The following CCDC33 variants were observed in gnomAD, a reference collection of about 807,000 sequenced individuals.
CCDC33 encodes the protein coiled-coil domain containing 33.
In CCDC33, 94 loss-of-function variants were observed where a neutral mutation model predicts 91.9. That is an observed-to-expected ratio of 1.02 (90% confidence interval 0.87 to 1.21). The LOEUF (loss-of-function observed/expected upper bound fraction) is 1.21. Among genes scored for constraint, CCDC33 ranks in the 50% most tolerant of loss-of-function variants. CCDC33 has a pLI of 0.00. For missense variants in CCDC33, 940 were observed against 935.5 expected, an observed-to-expected ratio of 1.00 and a Z score of -0.06; for synonymous variants, 396 against 374.5, an observed-to-expected ratio of 1.06 and a Z score of -0.66.
Position 74,280,036 on chromosome 15 carries a change from C to T in CCDC33, c.833C>T (p.Ala278Val), listed in dbSNP as rs762561864. 1.9e-6 allele frequency: 3 copies of T among 1,614,174 alleles called. No homozygotes were observed. Among genetic ancestry groups the T allele is most frequent in the Non-Finnish European group, 8.5e-7 (1 of 1,180,010 alleles). ...QSFLFQGRDG[A>V]TSFSEDTALV... is the part of the protein sequence containing the mutation. ...TTCCTCTTCCAAGGCCGAGATGGAG[C>T]TACCAGCTTCTCAGAAGACACAGCC... The change falls in exon 8 of 19, where the codon GCT (alanine) becomes GTT (valine). Residue 278 changes from alanine (A) to valine (V), a missense_variant. Coordinates refer to ENST00000398814, the MANE Select transcript of CCDC33 (RefSeq NM_025055.5).
In CCDC33 at chr15:74,280,756, A is replaced by G; in HGVS notation, c.978A>G (p.Thr326=). The change falls in exon 9 of 19, where the codon ACA becomes ACG. Residue 326 remains threonine, a synonymous_variant. Transcript: ENST00000398814. Reference sequence around the variant, plus strand: ...GCCGTTTGTACCAGAAGATGCTGACAGGGAAAGGCTTGGACGGGCTTCACG... The same window carrying G: ...GCCGTTTGTACCAGAAGATGCTGACGGGGAAAGGCTTGGACGGGCTTCACG... The part of the protein sequence containing the change: ...LKSRLYQKML[T]GKGLDGLHVE... The G allele has an allele frequency of 1.3e-6, 2 of 1,577,428 alleles. No individual in the cohort carries two copies. The highest frequency in any genetic ancestry group is 1.4e-5 in the African/African-American group (1 of 72,908).
rs766179368 is a variant in CCDC33, at chr15:74,280,760, A to G, written c.982A>G (p.Lys328Glu). The G allele has an allele frequency of 6.3e-7, 1 of 1,575,234 alleles. No individual in the cohort carries two copies. Among genetic ancestry groups the G allele is most frequent in the South Asian group, 1.2e-5 (1 of 85,696 alleles). ...SRLYQKMLTG[K>E]GLDGLHVERL... ...TTTGTACCAGAAGATGCTGACAGGG[A>G]AAGGCTTGGACGGGCTTCACGTGGA... The change falls in exon 9 of 19, where the codon AAA becomes GAA. Residue 328 changes from lysine to glutamate, a missense_variant. Physicochemically the swap from Lys to Glu is moderately conservative, Grantham distance 56. Coordinates refer to ENST00000398814, the MANE Select transcript of CCDC33 (RefSeq NM_025055.5).
chr15:74,252,743 C>A (rs2075747852), intron 2 of CCDC33, among the ~76,000 whole-genome samples: 1 of 152,166 alleles, frequency 6.6e-6, no homozygotes, highest in Non-Finnish European at 1.5e-5. Context: ...GGGTGGGGAG[C>A]AGGCCTGGGG....
chr15:74,224,403 G>A (rs1273187796), intron 2 of CCDC33, among the ~76,000 whole-genome samples: 1 of 152,188 alleles, frequency 6.6e-6, no homozygotes, highest in African/African-American at 2.4e-5. Context: ...CACAGTTTGA[G>A]GGAGTCCCAT....
At chr15:74,294,724 G>A (rs1187090450) in intron 10 of CCDC33, among the ~76,000 whole-genome samples, 3 of 146,502 alleles carry the variant, frequency 2.0e-5, no homozygotes, top group African/African-American at 5.0e-5. Flanking sequence ...TCCAGCCCGG[G>A]CAAGAGAGCA....
At chr15:74,266,227 C>T (rs1165572704) in intron 3 of CCDC33, among the ~76,000 whole-genome samples, 1 of 152,200 alleles carries the variant, frequency 6.6e-6, no homozygotes, top group Non-Finnish European at 1.5e-5. Context: ...CCACCTGCAA[C>T]ATGTGTGAGA....
intron 7 of CCDC33, among the ~76,000 whole-genome samples, chr15:74,273,773 A>C (rs1470356127): frequency 6.8e-6 from 1 of 147,634 alleles, no homozygotes; most frequent in Non-Finnish European, 1.5e-5. Flanking sequence ...CCAGCGAAAA[A>C]TTTTTTTTAA....
In CCDC33 at chr15:74,295,388, T is replaced by G. The variant is rs538251318; in HGVS notation, c.1096-366T>G. 2.0e-5 allele frequency among the ~76,000 whole-genome samples: 3 copies of G among 152,340 alleles called. No homozygotes were observed. The South Asian group carries it at 6.2e-4, about 32-fold the overall frequency. ...ATAGAGAGTATATTGGAAGTGGGAT[T>G]ACTTTAGATAGAGTGGGCCTCTATC... On this transcript the variant is annotated intron_variant, in intron 10 of 18. Coordinates refer to ENST00000398814, the MANE Select transcript of CCDC33 (RefSeq NM_025055.5).
In CCDC33 at chr15:74,272,792, C is replaced by A; in HGVS notation, c.660C>A (p.Asp220Glu). The change falls in exon 7 of 19, where the codon GAC (aspartate) becomes GAA (glutamate). Residue 220 changes from aspartate (D) to glutamate (E), a missense_variant. Transcript: ENST00000398814. The stretch of plus-strand genomic sequence containing the variant: ...CCAGGGTCAGCCAGGCTAACAGGGA[C>A]CTGGCCTCTGTGGGGCTGCCCATCA... ...KEFKVSQANR[D>E]LASVGLPITP... 6.2e-7 allele frequency: 1 copy of A among 1,614,186 alleles called. No individual in the cohort carries two copies. Among genetic ancestry groups the A allele is most frequent in the Non-Finnish European group, 8.5e-7 (1 of 1,180,028 alleles).
At chr15:74,284,989 T>C (rs528109031) in intron 10 of CCDC33, among the ~76,000 whole-genome samples, 31 of 152,312 alleles carry the variant, frequency 2.0e-4, no homozygotes, top group African/African-American at 7.5e-4. Context: ...CACCTGGAGG[T>C]CTTAGAGTCC....
At chr15:74,263,328 G>A (rs978288545) in intron 3 of CCDC33, among the ~76,000 whole-genome samples, 12 of 152,198 alleles carry the variant, frequency 7.9e-5, no homozygotes, top group African/African-American at 2.2e-4. Context: ...GGTGCCTGGC[G>A]ATGTCTCTGA....
At chr15:74,310,484 C>T (rs2142738900) in intron 11 of CCDC33, among the ~76,000 whole-genome samples, 1 of 151,418 alleles carries the variant, frequency 6.6e-6, no homozygotes, top group South Asian at 2.1e-4. Context: ...TTGCAGTGAG[C>T]CGAGATCAAG....
upstream of CCDC33, chr15:74,213,043 C>G (rs2074383277): frequency 6.6e-6 from 1 of 152,044 alleles, no homozygotes; most frequent in African/African-American, 2.4e-5. Flanking sequence ...TATGAAACCC[C>G]GTCTCTATTA....
chr15:74,215,347 A>G (rs980283095), upstream of CCDC33, among the ~76,000 whole-genome samples: 1 of 152,230 alleles, frequency 6.6e-6, no homozygotes, highest in African/African-American at 2.4e-5. Flanking sequence ...AGAGACGGAA[A>G]GTAGAATGGT....
intron 11 of CCDC33, chr15:74,299,873 C>T (rs1010824631): frequency 3.9e-5 from 6 of 152,396 alleles, no homozygotes; most frequent in African/African-American, 1.4e-4. Flanking sequence ...CACTCACCTT[C>T]TCGCTCTCAC....
At chr15:74,223,774 G>GCACACACACACACACACACACACACA (rs34461827) in intron 2 of CCDC33, among the ~76,000 whole-genome samples, 1 of 145,506 alleles carries the variant, frequency 6.9e-6, no homozygotes. Context: ...ACGCAAGCAT[G>GCACACACACACACACACACACACACA]CACACACACA....
At chr15:74,283,097 T>A (rs1214739674) in intron 10 of CCDC33, among the ~76,000 whole-genome samples, 2 of 152,174 alleles carry the variant, frequency 1.3e-5, no homozygotes, top group East Asian at 1.9e-4. Flanking sequence ...AGCCTGAAAG[T>A]GCCTTTACAA....
intron 15 of CCDC33, 44 bp downstream of exon 15, chr15:74,331,340 C>T: frequency 6.3e-7 from 1 of 1,595,626 alleles, no homozygotes; most frequent in Non-Finnish European, 8.6e-7. Context: ...GCTTCTGCTC[C>T]ACCCCTGGAG....
intron 1 of CCDC33, among the ~76,000 whole-genome samples, chr15:74,238,972 C>A (rs1236100198): frequency 6.6e-6 from 1 of 152,192 alleles, no homozygotes; most frequent in Non-Finnish European, 1.5e-5. Context: ...AGAGCTTTCC[C>A]CTGGCCGCCA....
Sources: allele counts gnomAD v4.1 joint callset (sites outside exome capture counted in the v4.1 genomes callset), GRCh38; gene constraint gnomAD v4.1.1; transcripts MANE v1.5; gene names NCBI Gene and HGNC (gene_info 2026-07-23, HGNC 2026-07-21).